CSMD3: variants seen among roughly 807,000 people sequenced by gnomAD.
CSMD3 encodes CUB and sushi domain-containing protein 3.
CSMD3 carries 177 observed loss-of-function variants against 435.2 expected under a neutral mutation model. The ratio of observed to expected loss-of-function variants is 0.41; its 90% confidence interval spans 0.36 to 0.46. The LOEUF is 0.46. CSMD3 is among the 20% of genes least tolerant of loss of function. CSMD3 has a pLI of 0.34. For missense variants in CSMD3, 4,265 were observed against 4,504.6 expected (o/e 0.95, Z 1.52); for synonymous variants, 1,656 against 1,520.5 (o/e 1.09, Z -2.07).
chr8:112,390,813 G>T (rs765623187), intron 35 of CSMD3, 25 bp from the exon 36 acceptor site: 1 of 1,609,174 alleles, frequency 6.2e-7, no homozygotes, highest in East Asian at 2.2e-5. Flanking sequence ...GTCCAAGAGA[G>T]GGAGTTAATT....
chr8:112,284,550 T>C (rs1818983692), intron 58 of CSMD3, among the ~76,000 whole-genome samples: 1 of 150,894 alleles, frequency 6.6e-6, no homozygotes, highest in South Asian at 2.1e-4. Context: ...TATTGCTTCA[T>C]GGCCTATATC....
At chr8:112,895,196 T>A (rs2081915750) in intron 10 of CSMD3, among the ~76,000 whole-genome samples, 1 of 151,332 alleles carries the variant, frequency 6.6e-6, no homozygotes, top group South Asian at 2.1e-4. Flanking sequence ...ATGAGAGATA[T>A]CAGCAAACAA....
intron 13 of CSMD3, among the ~76,000 whole-genome samples, chr8:112,697,565 A>G (rs1301984141): frequency 6.6e-6 from 1 of 151,422 alleles, no homozygotes; most frequent in African/African-American, 2.4e-5. Flanking sequence ...AGGAAGGGGA[A>G]CATCACACAC....
chr8:113,091,373 A>G (rs1182125772), intron 5 of CSMD3, among the ~76,000 whole-genome samples: 2 of 152,076 alleles, frequency 1.3e-5, no homozygotes, highest in African/African-American at 4.8e-5. Flanking sequence ...TGTTTGGTAG[A>G]ATTCTGCACT....
chr8:112,247,652 T>G (rs1814869721), intron 63 of CSMD3, among the ~76,000 whole-genome samples: 1 of 152,086 alleles, frequency 6.6e-6, no homozygotes, highest in Non-Finnish European at 1.5e-5. Context: ...TGTACTAGCT[T>G]TTAAGGGTAT....
At chr8:112,249,869 G>T (rs1004341659) in intron 63 of CSMD3, among the ~76,000 whole-genome samples, 2 of 151,942 alleles carry the variant, frequency 1.3e-5, no homozygotes, top group Non-Finnish European at 1.5e-5. Context: ...CCTGCAGCAA[G>T]AAATTAGAAA....
chr8:112,952,667 C>T (rs2083865605), intron 8 of CSMD3, among the ~76,000 whole-genome samples: 1 of 150,460 alleles, frequency 6.6e-6, no homozygotes, highest in Admixed American at 6.6e-5. Context: ...AGGAAATTTG[C>T]AAAAAATATT....
intron 13 of CSMD3, among the ~76,000 whole-genome samples, chr8:112,758,083 G>A (rs1050107814): frequency 2.6e-5 from 4 of 151,872 alleles, no homozygotes; most frequent in African/African-American, 9.7e-5. Context: ...GGCCGGGTGC[G>A]GTTGCTCACG....
intron 12 of CSMD3, among the ~76,000 whole-genome samples, chr8:112,819,174 C>A (rs1184434497): frequency 6.6e-6 from 1 of 151,958 alleles, no homozygotes; most frequent in South Asian, 2.1e-4. Flanking sequence ...GCGGGTGGAC[C>A]GTTTGAACAT....
chr8:113,289,554 C>CAGAGAGAGAGAGAG (rs66595138), intron 2 of CSMD3, among the ~76,000 whole-genome samples: 233 of 143,290 alleles, frequency 1.6e-3, no homozygotes, highest in African/African-American at 5.9e-3. Flanking sequence ...CAGAGAGAGA[C>CAGAGAGAGAGAGAG]AGAGAGAGAG....
chr8:112,459,164 A>G (rs1817175557), intron 32 of CSMD3, among the ~76,000 whole-genome samples: 1 of 152,068 alleles, frequency 6.6e-6, no homozygotes, highest in Non-Finnish European at 1.5e-5. Flanking sequence ...ATTAGTTACT[A>G]TGGTACAGGA....
intron 5 of CSMD3, among the ~76,000 whole-genome samples, chr8:113,086,246 CAAA>C (rs796175442): frequency 5.4e-5 from 6 of 111,470 alleles, no homozygotes; most frequent in Non-Finnish European, 3.9e-5. Flanking sequence ...GAGACTCCGT[CAAA>C]AAAAAAAAAA....
chr8:113,369,394 A>G (rs1458539016), intron 1 of CSMD3, among the ~76,000 whole-genome samples: 16 of 152,026 alleles, frequency 1.1e-4, no homozygotes, highest in Admixed American at 9.8e-4. Flanking sequence ...ATCATAAAAA[A>G]GATAAAAGAT....
At chr8:112,433,654 C>CAAAAAAAAAAAAAAAAGAAAAA (rs1813975588) in intron 32 of CSMD3, among the ~76,000 whole-genome samples, 1 of 93,212 alleles carries the variant, frequency 1.1e-5, no homozygotes, top group East Asian at 3.2e-4. Context: ...GAGAACCTGT[C>CAAAAAAAAAAAAAAAAGAAAAA]AAAAAAAAAA....
At chr8:113,002,225 G>A (rs928079636) in intron 6 of CSMD3, among the ~76,000 whole-genome samples, 1 of 152,006 alleles carries the variant, frequency 6.6e-6, no homozygotes, top group African/African-American at 2.4e-5. Flanking sequence ...GACTCCCGGA[G>A]CAGCTAAAAT....
intron 32 of CSMD3, among the ~76,000 whole-genome samples, chr8:112,450,627 T>C (rs1411346691): frequency 1.3e-5 from 2 of 152,206 alleles, no homozygotes; most frequent in Non-Finnish European, 2.9e-5. Flanking sequence ...GGTGAGTTTA[T>C]CCAGGTATGA....
chr8:113,235,297 T>G (rs1004098473), intron 3 of CSMD3, among the ~76,000 whole-genome samples: 1 of 152,116 alleles, frequency 6.6e-6, no homozygotes, highest in Non-Finnish European at 1.5e-5. Flanking sequence ...TGGTGGAAAC[T>G]AAGTTATTTT....
At chr8:112,989,126 T>C (rs1329352074) in intron 6 of CSMD3, among the ~76,000 whole-genome samples, 1 of 151,880 alleles carries the variant, frequency 6.6e-6, no homozygotes, top group Non-Finnish European at 1.5e-5. Context: ...AATATTACAT[T>C]CAAATGGGAG....
chr8:113,251,963 A>G (rs1196044035), intron 3 of CSMD3, among the ~76,000 whole-genome samples: 1 of 152,126 alleles, frequency 6.6e-6, no homozygotes, highest in Admixed American at 6.6e-5. Context: ...TTCAGATAAA[A>G]TTTGATGTCT....
Sources: allele counts gnomAD v4.1 joint callset (sites outside exome capture counted in the v4.1 genomes callset), GRCh38; gene constraint gnomAD v4.1.1; transcripts MANE v1.5; gene names NCBI Gene and HGNC (gene_info 2026-07-23, HGNC 2026-07-21).